Variants in PRKD1 observed in about 807,000 individuals in gnomAD.
PRKD1 encodes the protein protein kinase D1.
PRKD1 carries 63 observed loss-of-function variants against 95.9 expected under a neutral mutation model. That is an observed-to-expected ratio of 0.66 (90% CI 0.54 to 0.81). PRKD1 has a LOEUF of 0.81. PRKD1 is among the 30% of genes least tolerant of loss of function. PRKD1 has a pLI of 0.00. For missense variants in PRKD1, 1,048 were observed against 1,165.3 expected (o/e 0.90, Z 1.47); for synonymous variants, 425 against 423.1 (o/e 1.00, Z -0.05).
chr14:29,808,884 T>C (rs1890361918), intron 1 of PRKD1, among the ~76,000 whole-genome samples: 1 of 151,438 alleles, frequency 6.6e-6, no homozygotes, highest in Non-Finnish European at 1.5e-5. Flanking sequence ...AGAATGGTGA[T>C]TCCTATCCAA....
intron 8 of PRKD1, among the ~76,000 whole-genome samples, 176 bp downstream of exon 8, chr14:29,634,242 T>G (rs1251100504): frequency 1.3e-5 from 2 of 152,216 alleles, no homozygotes; most frequent in African/African-American, 4.8e-5. Flanking sequence ...ACTTCGTTGC[T>G]TGCTCAACTA....
chr14:29,728,209 C>A (rs974233716), intron 1 of PRKD1, among the ~76,000 whole-genome samples: 1 of 151,838 alleles, frequency 6.6e-6, no homozygotes, highest in African/African-American at 2.4e-5. Context: ...CACAAGGAAA[C>A]AAAGGGAAAA....
intron 4 of PRKD1, among the ~76,000 whole-genome samples, chr14:29,647,830 G>A (rs1302691668): frequency 2.8e-5 from 4 of 141,794 alleles, no homozygotes; most frequent in South Asian, 4.2e-4. Context: ...CTTAGCAGAC[G>A]TGTCCTGAAA....
intron 4 of PRKD1, among the ~76,000 whole-genome samples, chr14:29,645,955 G>A (rs894005652): frequency 3.3e-5 from 5 of 152,050 alleles, no homozygotes; most frequent in African/African-American, 1.2e-4. Context: ...TTTGTTTACT[G>A]GATTTTTACT....
At chr14:29,848,384 C>T (rs1264916514) in intron 1 of PRKD1, among the ~76,000 whole-genome samples, 14 of 152,062 alleles carry the variant, frequency 9.2e-5, no homozygotes, top group African/African-American at 3.1e-4. Flanking sequence ...CACACACACA[C>T]TTTATTTTTC....
intron 1 of PRKD1, among the ~76,000 whole-genome samples, chr14:29,917,294 C>T (rs1342993958): frequency 1.3e-5 from 2 of 152,150 alleles, no homozygotes; most frequent in African/African-American, 4.8e-5. Context: ...TAGGAAAAGG[C>T]TCTGTATTTT....
chr14:29,638,834 G>A lies in PRKD1; in HGVS notation c.767C>T (p.Pro256Leu), dbSNP rs148748320. 1.2e-6 allele frequency: 2 copies of A among 1,613,902 alleles called. No homozygotes were observed. Among genetic ancestry groups the A allele is most frequent in the African/African-American group, 2.7e-5 (2 of 74,882 alleles). ...RSNSQSYIGR[P>L]IHLDKILMSK... ...CATCAAAATCTTGTCAAGGTGAATT[G>A]GTCGTCCAATGTATGATTGAGAATT... The change falls in exon 5 of 18, where the codon CCA (proline) becomes CTA (leucine). Residue 256 changes from proline to leucine, a missense_variant. Physicochemically the swap from Pro to Leu is moderately conservative, Grantham distance 98. Coordinates refer to ENST00000331968, the MANE Select transcript of PRKD1 (RefSeq NM_002742.3).
chr14:29,890,770 A>T (rs919237808), intron 1 of PRKD1, among the ~76,000 whole-genome samples: 13 of 152,226 alleles, frequency 8.5e-5, no homozygotes, highest in African/African-American at 3.1e-4. Flanking sequence ...AACAAATTAT[A>T]CCAAGAAACC....
intron 17 of PRKD1, among the ~76,000 whole-genome samples, chr14:29,577,787 G>A (rs1892609766): frequency 1.3e-5 from 2 of 152,128 alleles, no homozygotes; most frequent in South Asian, 4.1e-4. Context: ...GTTTCCTAAA[G>A]TTTAAATTCG....
intron 1 of PRKD1, among the ~76,000 whole-genome samples, chr14:29,857,730 C>T (rs1958991): frequency 3.3e-5 from 5 of 152,078 alleles, no homozygotes; most frequent in African/African-American, 4.8e-5. Flanking sequence ...AAGCAGGCTG[C>T]GGGGAGGAGA....
intron 1 of PRKD1, among the ~76,000 whole-genome samples, chr14:29,883,060 G>A (rs886725126): frequency 5.9e-5 from 9 of 152,210 alleles, no homozygotes; most frequent in African/African-American, 2.2e-4. Context: ...GGCTTCTGGG[G>A]AGGCCTCAGG....
At chr14:29,861,453 T>G (rs980466632) in intron 1 of PRKD1, among the ~76,000 whole-genome samples, 7 of 152,210 alleles carry the variant, frequency 4.6e-5, no homozygotes, top group Non-Finnish European at 1.0e-4. Flanking sequence ...TATATACTTA[T>G]GTGGTACATG....
chr14:29,662,463 G>A (rs1342708941), intron 4 of PRKD1, among the ~76,000 whole-genome samples: 1 of 151,974 alleles, frequency 6.6e-6, no homozygotes, highest in Non-Finnish European at 1.5e-5. Flanking sequence ...TTCTGAATAG[G>A]TATGAAGTTA....
chr14:29,584,518 TCACA>T (rs1399453002), intron 16 of PRKD1, among the ~76,000 whole-genome samples: 1 of 152,210 alleles, frequency 6.6e-6, no homozygotes, highest in Non-Finnish European at 1.5e-5. Flanking sequence ...TCCTTTAAGG[TCACA>T]CAGATTGGGT....
intron 1 of PRKD1, among the ~76,000 whole-genome samples, chr14:29,813,842 T>G (rs1191948675): frequency 1.3e-5 from 2 of 152,174 alleles, no homozygotes; most frequent in Non-Finnish European, 2.9e-5. Context: ...TCAACCCACC[T>G]TTTGGTTCCA....
intron 16 of PRKD1, among the ~76,000 whole-genome samples, chr14:29,596,734 T>C (rs537428459): frequency 7.9e-5 from 12 of 152,306 alleles, no homozygotes; most frequent in Non-Finnish European, 4.4e-5. Context: ...ACCTATCTTA[T>C]AGAATTTTTA....
chr14:29,699,222 G>C (rs1372380304), intron 2 of PRKD1, among the ~76,000 whole-genome samples: 1 of 152,134 alleles, frequency 6.6e-6, no homozygotes, highest in Non-Finnish European at 1.5e-5. Context: ...TACAATTTTT[G>C]AAAAGTACTA....
chr14:29,634,385 A>C (rs757060311), intron 8 of PRKD1, 33 bp downstream of exon 8: 1 of 1,613,534 alleles, frequency 6.2e-7, no homozygotes, highest in African/African-American at 1.3e-5. Context: ...AAAGCTAGCA[A>C]GGCAAGAGAA....
At chr14:29,662,935 T>C (rs1427741840) in intron 4 of PRKD1, among the ~76,000 whole-genome samples, 3 of 151,246 alleles carry the variant, frequency 2.0e-5, no homozygotes, top group African/African-American at 7.3e-5. Flanking sequence ...GTGTTTTTAT[T>C]TTAAATAATT....
Sources: gnomAD v4.1 joint callset for allele counts (sites outside exome capture counted in the v4.1 genomes callset) on GRCh38, gnomAD v4.1.1 for gene constraint, MANE v1.5 for transcripts, NCBI Gene and HGNC (gene_info 2026-07-23, HGNC 2026-07-21) for gene names.